The following KCNH8 variants were observed in gnomAD, a reference collection of about 807,000 sequenced individuals.
The protein encoded by KCNH8 is voltage-gated delayed rectifier potassium channel KCNH8.
A neutral mutation model predicts 103.6 loss-of-function variants in KCNH8; 70 were observed. The ratio of observed to expected loss-of-function variants is 0.68; its 90% CI spans 0.56 to 0.82. The LOEUF is 0.82. Ranked by LOEUF, KCNH8 falls within the 40% of genes least tolerant of loss-of-function variation. The pLI is 0.00. For missense variants in KCNH8, 1,217 were observed against 1,329.9 expected, an observed-to-expected ratio of 0.92 and a Z score of 1.32; for synonymous variants, 498 against 489.4, an observed-to-expected ratio of 1.02 and a Z score of -0.23.
At chr3:19,262,958 A>G (rs532020526) in intron 2 of KCNH8, among the ~76,000 whole-genome samples, 2 of 152,216 alleles carry the variant, frequency 1.3e-5, no homozygotes, top group Admixed American at 1.3e-4. Context: ...GAGAAAGGCA[A>G]TACAACAGCA....
intron 1 of KCNH8, among the ~76,000 whole-genome samples, chr3:19,242,902 A>T (rs2064159947): frequency 6.6e-6 from 1 of 152,180 alleles, no homozygotes. Flanking sequence ...GAAAAAACAA[A>T]ACAAAACCCA....
chr3:19,252,582 G>C lies in KCNH8; in HGVS notation c.77-1072G>C, dbSNP rs926691295. Reference sequence around the variant, plus strand: ...TTTTTGTATTTTCAGTAGGGATGGGGTTTCACCATATTGGCCAGGCTGGTT... The same window carrying C: ...TTTTTGTATTTTCAGTAGGGATGGGCTTTCACCATATTGGCCAGGCTGGTT... On this transcript the variant is annotated intron_variant, in intron 1 of 15. Transcript: ENST00000328405. Among the ~76,000 whole-genome samples, 18 of 151,804 alleles carry C rather than the reference G, an allele frequency of 1.2e-4. 1 individual carries two copies. The highest frequency in any genetic ancestry group is 2.2e-4 in the Non-Finnish European group (15 of 67,982).
chr3:19,288,324 A>G (rs2064866534), intron 3 of KCNH8, among the ~76,000 whole-genome samples: 1 of 149,810 alleles, frequency 6.7e-6, no homozygotes, highest in African/African-American at 2.5e-5. Flanking sequence ...GGTGTGCTGC[A>G]CCCATTAACT....
chr3:19,456,882 T>C lies in KCNH8; in HGVS notation c.1940T>C (p.Leu647Pro). The C allele has an allele frequency of 6.2e-7, 1 of 1,610,856 alleles. No individual in the cohort carries two copies. Among genetic ancestry groups the C allele is most frequent in the Non-Finnish European group, 8.5e-7 (1 of 1,177,374 alleles). Residue 647 changes from leucine (L) to proline (P), a missense_variant, in exon 11 of 16, where the codon CTC (leucine) becomes CCC (proline). Transcript: ENST00000328405. ...CTCCAGTGTATCATCCTCAAAGGACTCTTTGAAGTGCTAGACCTTTACCCA... is the reference window on the plus strand; with the variant it reads ...CTCCAGTGTATCATCCTCAAAGGACCCTTTGAAGTGCTAGACCTTTACCCA... Reference protein sequence around the residue: ...CDLQCIILKGLFEVLDLYPEY... With the variant: ...CDLQCIILKGPFEVLDLYPEY...
intron 8 of KCNH8, among the ~76,000 whole-genome samples, chr3:19,446,645 C>A (rs1320166524): frequency 6.6e-6 from 1 of 151,962 alleles, no homozygotes; most frequent in Non-Finnish European, 1.5e-5. Flanking sequence ...AAAACCTGAG[C>A]TCTGGCCTCC....
At chr3:19,370,851 T>C (rs138571425) in intron 5 of KCNH8, among the ~76,000 whole-genome samples, 1,714 of 148,636 alleles carry the variant, frequency 0.012, 25 homozygotes, top group African/African-American at 0.039. Context: ...TGAGTGAGAA[T>C]ATGCGGTGTT....
At chr3:19,295,801 T>TG (rs2064990331) in intron 3 of KCNH8, among the ~76,000 whole-genome samples, 1 of 152,116 alleles carries the variant, frequency 6.6e-6, no homozygotes, top group Admixed American at 6.6e-5. Flanking sequence ...ACTTTGCCAG[T>TG]GGGGAAAAAA....
chr3:19,472,043 C>G (rs963497135), intron 11 of KCNH8, among the ~76,000 whole-genome samples: 2 of 152,042 alleles, frequency 1.3e-5, no homozygotes, highest in South Asian at 4.2e-4. Flanking sequence ...AGAATTCTAC[C>G]AAGTTACAAG....
At chr3:19,414,147 T>G (rs1467651375) in intron 7 of KCNH8, among the ~76,000 whole-genome samples, 1 of 152,064 alleles carries the variant, frequency 6.6e-6, no homozygotes, top group Non-Finnish European at 1.5e-5. Context: ...AGACATTGCT[T>G]TAAAACGTAA....
At chr3:19,474,750 G>A (rs958352903) in intron 11 of KCNH8, among the ~76,000 whole-genome samples, 3 of 152,154 alleles carry the variant, frequency 2.0e-5, no homozygotes, top group African/African-American at 7.2e-5. Flanking sequence ...GTCTTTGAAA[G>A]CGGAACATAT....
chr3:19,484,316 TAG>T (rs2068157340), intron 11 of KCNH8, among the ~76,000 whole-genome samples: 1 of 152,254 alleles, frequency 6.6e-6, no homozygotes, highest in African/African-American at 2.4e-5. Flanking sequence ...ATAGTAACTA[TAG>T]AACAGAAAGA....
intron 1 of KCNH8, among the ~76,000 whole-genome samples, chr3:19,237,865 G>GA (rs2064085751): frequency 6.6e-6 from 1 of 152,032 alleles, no homozygotes; most frequent in African/African-American, 2.4e-5. Context: ...CATTGCTTAA[G>GA]AAAAAAATGC....
intron 1 of KCNH8, among the ~76,000 whole-genome samples, chr3:19,159,596 G>A (rs923596677): frequency 6.6e-6 from 1 of 151,982 alleles, no homozygotes; most frequent in Admixed American, 6.6e-5. Context: ...TTATAGTTTT[G>A]GCTGTGGCCT....
At chr3:19,296,733 T>C (rs969036900) in intron 3 of KCNH8, among the ~76,000 whole-genome samples, 4 of 152,100 alleles carry the variant, frequency 2.6e-5, no homozygotes, top group East Asian at 1.9e-4. Flanking sequence ...AGACTACAAA[T>C]TGGGTTCAGT....
intron 5 of KCNH8, among the ~76,000 whole-genome samples, chr3:19,359,136 A>G (rs1017622951): frequency 1.3e-5 from 2 of 151,138 alleles, no homozygotes; most frequent in Non-Finnish European, 3.0e-5. Context: ...TATGCCAGTT[A>G]TAGAATTAAA....
At chr3:19,268,535 TGA>T (rs2064545379) in intron 2 of KCNH8, among the ~76,000 whole-genome samples, 1 of 152,076 alleles carries the variant, frequency 6.6e-6, no homozygotes, top group Admixed American at 6.6e-5. Flanking sequence ...CTCAGGCTAT[TGA>T]GAGTCAACTT....
intron 11 of KCNH8, among the ~76,000 whole-genome samples, chr3:19,507,264 C>A (rs2125238544): frequency 6.6e-6 from 1 of 152,288 alleles, no homozygotes; most frequent in South Asian, 2.1e-4. Flanking sequence ...AGGAGCAGAA[C>A]CACTGCTGTG....
intron 15 of KCNH8, among the ~76,000 whole-genome samples, chr3:19,530,697 T>C (rs539057178): frequency 2.6e-5 from 4 of 152,354 alleles, no homozygotes; most frequent in African/African-American, 9.6e-5. Context: ...TTTTTACTCA[T>C]GAGGCTACCT....
chr3:19,213,052 C>T (rs1418091174), intron 1 of KCNH8, among the ~76,000 whole-genome samples: 4 of 152,100 alleles, frequency 2.6e-5, no homozygotes, highest in African/African-American at 9.7e-5. Context: ...TAATTATCTT[C>T]TATATTGATG....
Sources: gnomAD v4.1 joint callset for allele counts (sites outside exome capture counted in the v4.1 genomes callset) on GRCh38, gnomAD v4.1.1 for gene constraint, MANE v1.5 for transcripts, NCBI Gene and HGNC (gene_info 2026-07-23, HGNC 2026-07-21) for gene names.